ST14: variants seen among roughly 807,000 people sequenced by gnomAD.
ST14 encodes the protein ST14 transmembrane serine protease matriptase.
In ST14, 40 loss-of-function variants were observed where a neutral mutation model predicts 96.5. The observed-to-expected ratio is 0.41, with a 90% CI of 0.32 to 0.54. The LOEUF is 0.54. Ranked by LOEUF, ST14 falls within the 20% of genes least tolerant of loss-of-function variation. ST14 has a pLI of 0.17. For synonymous variants in ST14, 506 were observed against 492.1 expected (o/e 1.03, Z -0.37); for missense variants, 1,066 against 1,188.9 (o/e 0.90, Z 1.52).
rs376569033 is a variant in ST14 at position 130,189,828 on chromosome 11, G to A, written c.530G>A (p.Arg177His). ...GCCGAGCGCGTCATGGCCGAGGAGC[G>A]CGTAGTCATGCTGCCCCCGCGGGCG... ...EEAERVMAEE[R>H]VVMLPPRARS... The change falls in exon 5 of 19, where the codon CGC becomes CAC. Residue 177 changes from arginine to histidine, a missense_variant. Arg to His is a conservative substitution (Grantham distance 29). Coordinates refer to ENST00000278742, the MANE Select transcript of ST14 (RefSeq NM_021978.4). 3.0e-5 allele frequency: 48 copies of A among 1,613,912 alleles called. No homozygotes were observed. In the East Asian group the frequency reaches 3.3e-4, roughly 11 times the overall value.
Position 130,160,075 on chromosome 11 carries a change from G to C in ST14, c.81+15G>C. On this transcript the variant is annotated intron_variant, in intron 1 of 18. Coordinates refer to ENST00000278742, the MANE Select transcript of ST14 (RefSeq NM_021978.4). ...CCCGGCACGAGGTGAGCGCGGGCCG[G>C]GGACCCGGGGCGCTGGGAAGCTCCT... 7.1e-7 allele frequency: 1 copy of C among 1,416,420 alleles called. No homozygotes were observed. The highest frequency in any genetic ancestry group is 9.3e-7 in the Non-Finnish European group (1 of 1,075,600). 87.7% of individuals were successfully genotyped at this position (1,416,420 alleles called of 1,614,324 possible). A position where few individuals can be genotyped will look rare whatever the true frequency, so the allele number is the denominator to read the frequency against.
rs146924713 is a variant in ST14 at position 130,194,658 on chromosome 11, G to A, written c.1034G>A (p.Arg345His). The A allele has an allele frequency of 4.8e-4, 774 of 1,614,138 alleles. 15 individuals are homozygous for A. The South Asian group carries it at 7.5e-3, about 16-fold the overall frequency. ...CTCTCAGGCTGTGGAGGCCGCTTAC[G>A]TAAAGCCCAGGGGACATTCAACAGC... ...PRMSSCGGRL[R>H]KAQGTFNSPY... Residue 345 changes from arginine (R) to histidine (H), a missense_variant, in exon 9 of 19, where the codon CGT becomes CAT. Transcript: ENST00000278742.
chr11:130,166,490 G>C (rs1029620355), intron 1 of ST14, among the ~76,000 whole-genome samples: 25 of 152,314 alleles, frequency 1.6e-4, no homozygotes, highest in African/African-American at 6.0e-4. Context: ...ACCCCTTCCT[G>C]GGTTCTGTGC....
chr11:130,167,872 G>A (rs571730826), intron 1 of ST14, among the ~76,000 whole-genome samples: 4 of 152,268 alleles, frequency 2.6e-5, no homozygotes, highest in Admixed American at 1.3e-4. Flanking sequence ...GCGCCACTGC[G>A]CCAGGCTAAT....
intron 16 of ST14, among the ~76,000 whole-genome samples, chr11:130,205,251 G>A (rs1001051258): frequency 2.6e-5 from 4 of 151,852 alleles, no homozygotes; most frequent in African/African-American, 4.8e-5. Context: ...CTCAGCCTCC[G>A]GAGTAGCTGG....
At chr11:130,177,933 C>T (rs1242744577) in intron 1 of ST14, among the ~76,000 whole-genome samples, 3 of 152,204 alleles carry the variant, frequency 2.0e-5, no homozygotes, top group Non-Finnish European at 4.4e-5. Context: ...GGTCCATGCA[C>T]CTTTGTGTCT....
At chr11:130,167,229 T>C (rs980609898) in intron 1 of ST14, among the ~76,000 whole-genome samples, 3 of 152,186 alleles carry the variant, frequency 2.0e-5, no homozygotes, top group African/African-American at 7.2e-5. Context: ...TTTTTTTTAA[T>C]AAAAATGACA....
chr11:130,209,899 A>G lies in ST14; in HGVS notation c.*76A>G. On this transcript the variant is annotated 3_prime_UTR_variant, in exon 19 of 19. Transcript: ENST00000278742. ...CCCAGTGTGCACGCCTGCAGGCTGG[A>G]GACTGGACCGCTGACTGCACCAGCG... 6.4e-7 allele frequency: 1 copy of G among 1,559,848 alleles called. No individual in the cohort carries two copies. Among genetic ancestry groups the G allele is most frequent in the Non-Finnish European group, 8.7e-7 (1 of 1,145,070 alleles).
In ST14 at chr11:130,194,672, A is replaced by G. The variant is rs62642514; in HGVS notation, c.1048A>G (p.Thr350Ala). The G allele has an allele frequency of 5.1e-3, 8,154 of 1,614,098 alleles. 311 individuals are homozygous for G. In the African/African-American group the frequency reaches 0.086, roughly 17 times the overall value. Residue 350 changes from threonine to alanine, a missense_variant, in exon 9 of 19, where the codon ACA becomes GCA. By Grantham distance (58) the Thr-to-Ala change is moderately conservative. Transcript: ENST00000278742. ...AGGCCGCTTACGTAAAGCCCAGGGG[A>G]CATTCAACAGCCCCTACTACCCAGG... is the stretch of plus-strand genomic sequence containing the variant. ...CGGRLRKAQG[T>A]FNSPYYPGHY...
chr11:130,199,688 C>G (rs894568001), intron 15 of ST14, among the ~76,000 whole-genome samples: 10 of 152,094 alleles, frequency 6.6e-5, no homozygotes, highest in Admixed American at 5.9e-4. Context: ...CGGAGGCCCT[C>G]GCTGCATTTG....
At chr11:130,174,723 G>A (rs1953120718) in intron 1 of ST14, among the ~76,000 whole-genome samples, 1 of 152,114 alleles carries the variant, frequency 6.6e-6, no homozygotes, top group Non-Finnish European at 1.5e-5. Context: ...AGGACTCTGT[G>A]GCCATAAAAA....
chr11:130,205,699 G>GTTTTT lies in ST14; in HGVS notation c.1995-2704_1995-2700dup, dbSNP rs34790396. On this transcript the variant is annotated intron_variant, in intron 16 of 18. Coordinates refer to ENST00000278742, the MANE Select transcript of ST14 (RefSeq NM_021978.4). ...ATGCCCATCATGTTCTTCTTTAGACGTTTTTTTTTTTGTTTTTTTTTTTGA... is the reference window on the plus strand; with the variant it reads ...ATGCCCATCATGTTCTTCTTTAGACGTTTTTTTTTTTTTTTTGTTTTTTTTTTTGA... Among the ~76,000 whole-genome samples the GTTTTT allele has an allele frequency of 2.5e-3, 234 of 94,656 alleles. 24 individuals are homozygous for GTTTTT. Among genetic ancestry groups the GTTTTT allele is most frequent in the Non-Finnish European group, 3.5e-3 (173 of 50,050 alleles). 62.1% of individuals were successfully genotyped at this position (94,656 alleles called of 152,430 possible). A position where few individuals can be genotyped will look rare whatever the true frequency, so the allele number is the denominator to read the frequency against.
intron 7 of ST14, among the ~76,000 whole-genome samples, chr11:130,191,930 G>A (rs1953307492): frequency 6.6e-6 from 1 of 152,180 alleles, no homozygotes; most frequent in South Asian, 2.1e-4. Flanking sequence ...TTTGCATAGG[G>A]AAGGTTTGCT....
Position 130,159,991 on chromosome 11 carries a change from T to C in ST14, c.12T>C (p.Asp4=). The change falls in exon 1 of 19, where the codon GAT becomes GAC. Residue 4 remains aspartate, a synonymous_variant. Coordinates refer to ENST00000278742, the MANE Select transcript of ST14 (RefSeq NM_021978.4). The part of the protein sequence containing the change: MGS[D]RARKGGGGPK... ...CGGCCTCGGGGACCATGGGGAGCGATCGGGCCCGCAAGGGCGGAGGGGGCC... is the reference window on the plus strand; with the variant it reads ...CGGCCTCGGGGACCATGGGGAGCGACCGGGCCCGCAAGGGCGGAGGGGGCC... 7.1e-7 allele frequency: 1 copy of C among 1,402,220 alleles called. No individual in the cohort carries two copies. The highest frequency in any genetic ancestry group is 9.4e-7 in the Non-Finnish European group (1 of 1,067,950). The allele number at this position is 1,402,220 out of a possible 1,614,324, so 86.9% of individuals were successfully genotyped here. A position where few individuals can be genotyped will look rare whatever the true frequency, so the allele number is the denominator to read the frequency against.
chr11:130,209,924 G>GCC lies in ST14; in HGVS notation c.*105_*106dup. 8.4e-6 allele frequency: 12 copies of GCC among 1,432,860 alleles called. No homozygotes were observed. The highest frequency in any genetic ancestry group is 1.1e-5 in the Non-Finnish European group (12 of 1,043,682). 88.8% of individuals were successfully genotyped at this position (1,432,860 alleles called of 1,614,324 possible). On this transcript the variant is annotated 3_prime_UTR_variant, in exon 19 of 19. Transcript: ENST00000278742. ...AGACTGGACCGCTGACTGCACCAGC[G>GCC]CCCCCAGAACATACACTGTGAACTC...
Position 130,160,075 on chromosome 11 carries a change from G to A in ST14, c.81+15G>A, listed in dbSNP as rs773765762. The A allele has an allele frequency of 2.1e-6, 3 of 1,416,420 alleles. No individual in the cohort carries two copies. The highest frequency in any genetic ancestry group is 3.0e-5 in the South Asian group (2 of 67,262). 87.7% of individuals were successfully genotyped at this position (1,416,420 alleles called of 1,614,324 possible). On this transcript the variant is annotated intron_variant, in intron 1 of 18. Coordinates refer to ENST00000278742, the MANE Select transcript of ST14 (RefSeq NM_021978.4). ...CCCGGCACGAGGTGAGCGCGGGCCG[G>A]GGACCCGGGGCGCTGGGAAGCTCCT... is the stretch of plus-strand genomic sequence containing the variant.
At chr11:130,208,384 A>T in intron 16 of ST14, 26 bp from the exon 17 acceptor site, 2 of 1,613,782 alleles carry the variant, frequency 1.2e-6, no homozygotes, top group Non-Finnish European at 1.7e-6. Context: ...GTGACCGCGC[A>T]GTCTCATAGC....
chr11:130,199,085 G>A lies in ST14; in HGVS notation c.1807+16G>A, dbSNP rs898531972. 28 of 1,611,204 alleles carry A rather than the reference G, an allele frequency of 1.7e-5. No homozygotes were observed. The highest frequency in any genetic ancestry group is 2.7e-5 in the African/African-American group (2 of 74,900). On this transcript the variant is annotated intron_variant, in intron 15 of 18. Coordinates refer to ENST00000278742, the MANE Select transcript of ST14 (RefSeq NM_021978.4). ...AAGGACTGCGGTGAGCAGGGCATCCGAGTACGGTTGTGCAGGTTGTTCACT... is the reference window on the plus strand; with the variant it reads ...AAGGACTGCGGTGAGCAGGGCATCCAAGTACGGTTGTGCAGGTTGTTCACT...
rs762429619 is a variant in ST14, at chr11:130,209,506, C to T, written c.2334C>T (p.Asn778=). 2.5e-6 allele frequency: 4 copies of T among 1,584,488 alleles called. No individual in the cohort carries two copies. Among genetic ancestry groups the T allele is most frequent in the East Asian group, 4.6e-5 (2 of 43,654 alleles). Residue 778 remains asparagine (N), a synonymous_variant, in exon 18 of 19, where the codon AAC becomes AAT. Transcript: ENST00000278742. ...IRVINQTTCE[N]LLPQQITPRM... is the part of the protein sequence containing the mutation. ...TCATCAACCAGACCACCTGCGAGAA[C>T]CTCCTGCCGCAGCAGATCACGCCGC...
Sources: allele counts gnomAD v4.1 joint callset (sites outside exome capture counted in the v4.1 genomes callset), GRCh38; gene constraint gnomAD v4.1.1; transcripts MANE v1.5; gene names NCBI Gene and HGNC (gene_info 2026-07-23, HGNC 2026-07-21).